PDZD2: variants seen among roughly 807,000 people sequenced by gnomAD.
PDZD2 encodes PDZ domain-containing protein 2.
A neutral mutation model predicts 220.7 loss-of-function variants in PDZD2; 90 were observed. That is an observed-to-expected ratio of 0.41 (90% CI 0.34 to 0.49). The LOEUF (loss-of-function observed/expected upper bound fraction) is 0.49. PDZD2 is among the 20% of genes least tolerant of loss of function. The pLI, the probability that PDZD2 is intolerant of heterozygous loss-of-function variation, is 0.28. For synonymous variants in PDZD2, 1,375 were observed against 1,450.5 expected, an observed-to-expected ratio of 0.95 and a Z score of 1.18; for missense variants, 3,174 against 3,608.5, an observed-to-expected ratio of 0.88 and a Z score of 3.08.
Position 31,983,583 on chromosome 5 carries a change from C to T in PDZD2, c.905C>T (p.Thr302Ile). ...HRIPKTDAPLTTSNDKRRFSK... is the reference protein window; with the variant it reads ...HRIPKTDAPLITSNDKRRFSK... ...ATTCCAAAGACAGATGCTCCTCTGA[C>T]CACAAGCAATGACAAACGCCGCTTC... Residue 302 changes from threonine (T) to isoleucine (I), a missense_variant, in exon 3 of 25, where the codon ACC becomes ATC. Physicochemically the swap from Thr to Ile is moderately conservative, Grantham distance 89. Transcript: ENST00000438447. 4.3e-6 allele frequency: 7 copies of T among 1,614,104 alleles called. No homozygotes were observed. Among genetic ancestry groups the T allele is most frequent in the Non-Finnish European group, 5.9e-6 (7 of 1,179,962 alleles).
At chr5:31,943,265 G>A (rs1475791059) in intron 2 of PDZD2, among the ~76,000 whole-genome samples, 5 of 151,740 alleles carry the variant, frequency 3.3e-5, no homozygotes, top group African/African-American at 9.7e-5. Context: ...ATCTTATTTT[G>A]AGAACCACAG....
chr5:31,880,785 T>G, intron 2 of PDZD2, among the ~76,000 whole-genome samples: 1 of 118,496 alleles, frequency 8.4e-6, no homozygotes, highest in African/African-American at 4.4e-5. Context: ...GCTTTCTTTT[T>G]TTTTTCTTTT....
chr5:32,070,911 T>G (rs6867991), intron 15 of PDZD2, among the ~76,000 whole-genome samples: 55,896 of 147,808 alleles, frequency 0.38, 10,911 homozygotes, highest in African/African-American at 0.54. Flanking sequence ...AGGAGAGGTT[T>G]CAGTGAGCCG....
At chr5:31,975,793 C>CTTGTTTTT (rs1749696791) in intron 2 of PDZD2, among the ~76,000 whole-genome samples, 1 of 55,182 alleles carries the variant, frequency 1.8e-5, no homozygotes, top group Non-Finnish European at 3.1e-5. Context: ...GTATCAGTCA[C>CTTGTTTTT]TTTTTTTTTA....
intron 2 of PDZD2, among the ~76,000 whole-genome samples, chr5:31,890,999 C>T (rs1175090421): frequency 6.6e-6 from 1 of 152,208 alleles, no homozygotes. Context: ...TAACACGCCC[C>T]TTGCCGCACC....
intron 1 of PDZD2, among the ~76,000 whole-genome samples, chr5:31,666,890 C>A (rs1746008946): frequency 6.6e-6 from 1 of 152,136 alleles, no homozygotes; most frequent in South Asian, 2.1e-4. Flanking sequence ...TTTCTTGTGA[C>A]TTCTTAGCCC....
In PDZD2 at chr5:32,059,258, C is replaced by T. The variant is rs1383368068; in HGVS notation, c.2220C>T (p.Gly740=). Residue 740 remains glycine, a synonymous_variant, in exon 13 of 25, where the codon GGC becomes GGT. Transcript: ENST00000438447. ...TCACAGAGCCAAGAGTTGGATTAGG[C>T]ATTGGTGCCTGCTGCTTGGCTCTGG... ...TLNKEPRVGL[G]IGACCLALEN... 1 of 1,608,200 alleles carries T rather than the reference C, an allele frequency of 6.2e-7. No homozygotes were observed. Among genetic ancestry groups the T allele is most frequent in the Non-Finnish European group, 8.5e-7 (1 of 1,174,650 alleles).
At chr5:31,912,169 TA>T in intron 2 of PDZD2, among the ~76,000 whole-genome samples, 1 of 152,248 alleles carries the variant, frequency 6.6e-6, no homozygotes, top group African/African-American at 2.4e-5. Flanking sequence ...TTATTTCCCA[TA>T]GTCTAGAGGC....
rs1271150329 is a variant in PDZD2 at position 32,074,203 on chromosome 5, C to T, written c.3097C>T (p.Pro1033Ser). 2.5e-6 allele frequency: 4 copies of T among 1,614,210 alleles called. No homozygotes were observed. Among genetic ancestry groups the T allele is most frequent in the African/African-American group, 2.7e-5 (2 of 75,052 alleles). The change falls in exon 18 of 25, where the codon CCT becomes TCT. Residue 1033 changes from proline (P) to serine (S), a missense_variant. Pro to Ser is a moderately conservative substitution (Grantham distance 74, BLOSUM62 -1). Coordinates refer to ENST00000438447, the MANE Select transcript of PDZD2 (RefSeq NM_178140.4). ...ACTGGTGAGCAAGGCCATCTCGGCA[C>T]CTCTTCTTGGTAGCTCAGTGGACTT... is the stretch of plus-strand genomic sequence containing the variant. ...KTLVSKAISA[P>S]LLGSSVDLEE...
intron 2 of PDZD2, among the ~76,000 whole-genome samples, chr5:31,911,075 G>A (rs1743162170): frequency 6.6e-6 from 1 of 152,090 alleles, no homozygotes; most frequent in Non-Finnish European, 1.5e-5. Flanking sequence ...AATTTGTACA[G>A]ACTCAAATAT....
chr5:31,700,892 G>A (rs565723219), intron 1 of PDZD2, among the ~76,000 whole-genome samples: 4 of 152,184 alleles, frequency 2.6e-5, no homozygotes, highest in East Asian at 1.9e-4. Flanking sequence ...GAGTTCTTCC[G>A]AATGTCAGGA....
intron 10 of PDZD2, among the ~76,000 whole-genome samples, chr5:32,057,099 C>A (rs543006061): frequency 2.6e-5 from 4 of 151,590 alleles, no homozygotes; most frequent in East Asian, 1.9e-4. Context: ...TACTCTGTTT[C>A]AAAAAAAAAT....
chr5:32,095,298 G>C (rs929245515), intron 21 of PDZD2, among the ~76,000 whole-genome samples: 2 of 152,168 alleles, frequency 1.3e-5, no homozygotes. Flanking sequence ...AGAACACGGC[G>C]TTCTTTTCCC....
chr5:31,913,940 C>T (rs1009202340), intron 2 of PDZD2, among the ~76,000 whole-genome samples: 2 of 100,294 alleles, frequency 2.0e-5, no homozygotes. Context: ...TCCAACCTCT[C>T]CCCTACCCCC....
chr5:31,777,410 G>T (rs1752744826), intron 1 of PDZD2, among the ~76,000 whole-genome samples: 1 of 152,146 alleles, frequency 6.6e-6, no homozygotes, highest in African/African-American at 2.4e-5. Context: ...CCACCCCGTG[G>T]GCTCCCACGT....
chr5:31,908,567 C>G (rs1420204993), intron 2 of PDZD2: 5 of 971,074 alleles, frequency 5.1e-6, no homozygotes, highest in African/African-American at 5.0e-5. Flanking sequence ...GGTGTTGATA[C>G]TGTCATGAAC....
chr5:31,759,141 A>C (rs1580700253), intron 1 of PDZD2, among the ~76,000 whole-genome samples: 5 of 130,190 alleles, frequency 3.8e-5, no homozygotes, highest in African/African-American at 5.6e-5. Context: ...TGCCGTGCCC[A>C]CCCCCTCCTC....
chr5:31,847,262 T>G, intron 2 of PDZD2: 1 of 281,644 alleles, frequency 3.6e-6, no homozygotes, highest in Non-Finnish European at 7.0e-6. Context: ...TGAGTCTCTG[T>G]TCTGTAGGGT....
chr5:31,763,314 C>T (rs1375558349), intron 1 of PDZD2, among the ~76,000 whole-genome samples: 1 of 152,138 alleles, frequency 6.6e-6, no homozygotes, highest in Non-Finnish European at 1.5e-5. Flanking sequence ...CCTAAGAAAA[C>T]CCTTTCCCCT....
Sources: gnomAD v4.1 joint callset for allele counts (sites outside exome capture counted in the v4.1 genomes callset) on GRCh38, gnomAD v4.1.1 for gene constraint, MANE v1.5 for transcripts, NCBI Gene and HGNC (gene_info 2026-07-23, HGNC 2026-07-21) for gene names.